The following TSPAN5 variants were observed in gnomAD, a reference collection of about 807,000 sequenced individuals.
The protein encoded by TSPAN5 is tetraspanin-5.
A neutral mutation model predicts 37.1 loss-of-function variants in TSPAN5; 10 were observed. The observed-to-expected ratio is 0.27, with a 90% CI of 0.17 to 0.46. TSPAN5 has a LOEUF of 0.46. Among genes scored for constraint, TSPAN5 ranks in the 20% least tolerant of loss-of-function variants. TSPAN5 has a pLI of 1.00. For synonymous variants in TSPAN5, 110 were observed against 118.9 expected (o/e 0.93, Z 0.48); for missense variants, 195 against 326.6 (o/e 0.60, Z 3.11).
At chr4:98,586,977 A>C (rs1196194101) in intron 1 of TSPAN5, among the ~76,000 whole-genome samples, 8 of 152,194 alleles carry the variant, frequency 5.3e-5, no homozygotes, top group Non-Finnish European at 1.0e-4. Flanking sequence ...TGCCCCTTGG[A>C]CAAAGGCAGG....
intron 1 of TSPAN5, among the ~76,000 whole-genome samples, chr4:98,653,224 T>A (rs1273144458): frequency 6.6e-6 from 1 of 152,130 alleles, no homozygotes; most frequent in Admixed American, 6.5e-5. Flanking sequence ...TTATAGTGAA[T>A]CATAAGATAA....
intron 1 of TSPAN5, among the ~76,000 whole-genome samples, chr4:98,627,422 AAC>A (rs1553918272): frequency 2.0e-5 from 3 of 152,166 alleles, no homozygotes; most frequent in Admixed American, 6.5e-5. Context: ...GGAAAAAAAA[AAC>A]ACAAAAGGAA....
chr4:98,581,707 C>T (rs1201056841), intron 1 of TSPAN5, among the ~76,000 whole-genome samples: 1 of 152,134 alleles, frequency 6.6e-6, no homozygotes, highest in Non-Finnish European at 1.5e-5. Flanking sequence ...AGGGTAATTT[C>T]TTCCCTTTGT....
intron 1 of TSPAN5, among the ~76,000 whole-genome samples, chr4:98,550,770 T>G (rs1012592193): frequency 1.3e-5 from 2 of 152,038 alleles, no homozygotes; most frequent in African/African-American, 4.8e-5. Context: ...AATCTAAGAG[T>G]TTTTTGGTGG....
At chr4:98,527,940 A>G (rs1361556452) in intron 1 of TSPAN5, among the ~76,000 whole-genome samples, 5 of 152,236 alleles carry the variant, frequency 3.3e-5, no homozygotes, top group Non-Finnish European at 2.9e-5. Flanking sequence ...AATATGAAAT[A>G]TCTGGGTATT....
intron 1 of TSPAN5, among the ~76,000 whole-genome samples, chr4:98,528,586 T>C (rs927506821): frequency 6.6e-6 from 1 of 152,162 alleles, no homozygotes; most frequent in African/African-American, 2.4e-5. Context: ...ACTGGGATGA[T>C]TAGACCTCAT....
chr4:98,517,145 G>A (rs1052141786), intron 1 of TSPAN5, among the ~76,000 whole-genome samples: 1 of 152,164 alleles, frequency 6.6e-6, no homozygotes, highest in African/African-American at 2.4e-5. Context: ...ATGCAAAACA[G>A]GCATGAGACT....
intron 1 of TSPAN5, among the ~76,000 whole-genome samples, chr4:98,628,771 C>T (rs1379849340): frequency 6.6e-6 from 1 of 152,154 alleles, no homozygotes; most frequent in Admixed American, 6.5e-5. Context: ...AACAAACAAA[C>T]AAAAATTACT....
intron 1 of TSPAN5, among the ~76,000 whole-genome samples, chr4:98,638,022 T>C (rs1445021952): frequency 6.6e-6 from 1 of 152,220 alleles, no homozygotes; most frequent in Non-Finnish European, 1.5e-5. Flanking sequence ...TTAACTCTGC[T>C]CCACGGTCTT....
chr4:98,494,618 T>C (rs1259715626), intron 2 of TSPAN5, among the ~76,000 whole-genome samples: 2 of 151,920 alleles, frequency 1.3e-5, no homozygotes, highest in Non-Finnish European at 2.9e-5. Flanking sequence ...ATAATAAGAA[T>C]TAAATAAAAG....
Position 98,549,600 on chromosome 4 carries a change from C to T in TSPAN5, c.82-41872G>A, listed in dbSNP as rs190310043. Among the ~76,000 whole-genome samples the T allele has an allele frequency of 3.4e-3, 514 of 152,108 alleles. 2 individuals are homozygous for T. Among genetic ancestry groups the T allele is most frequent in the South Asian group, 5.8e-3 (28 of 4,816 alleles). Reference sequence around the variant, plus strand: ...AGGTATGAGCCACTGCACCTGGCCTCGTTGTGATTTTAATTTGCATTTCTC... The same window carrying T: ...AGGTATGAGCCACTGCACCTGGCCTTGTTGTGATTTTAATTTGCATTTCTC... On this transcript the variant is annotated intron_variant, in intron 1 of 7. Transcript: ENST00000305798.
intron 1 of TSPAN5, among the ~76,000 whole-genome samples, chr4:98,578,192 C>G (rs140571191): frequency 6.6e-6 from 1 of 152,162 alleles, no homozygotes; most frequent in African/African-American, 2.4e-5. Flanking sequence ...CACAGAACCT[C>G]CCCTTGAGAC....
intron 1 of TSPAN5, among the ~76,000 whole-genome samples, chr4:98,655,222 G>C (rs921327797): frequency 1.3e-5 from 2 of 152,126 alleles, no homozygotes; most frequent in Admixed American, 6.5e-5. Context: ...AGAAATGAAA[G>C]TAATAAAACT....
intron 1 of TSPAN5, among the ~76,000 whole-genome samples, chr4:98,598,749 T>A (rs148748400): frequency 3.3e-5 from 5 of 152,292 alleles, no homozygotes; most frequent in Admixed American, 1.3e-4. Flanking sequence ...ATTACAGGCA[T>A]GAGCCACCGT....
At position 98,592,428 on chromosome 4, in the gene TSPAN5, GTTT is replaced by G. The variant is rs35941064; in HGVS notation, c.81+65715_81+65717del. On this transcript the variant is annotated intron_variant, in intron 1 of 7. Coordinates refer to ENST00000305798, the MANE Select transcript of TSPAN5 (RefSeq NM_005723.4). The stretch of plus-strand genomic sequence containing the variant: ...CCTAACTAAGGGATCTCTGTTTTTT[GTTT>G]TTTTTTTTTTTTTTTTTATTATACT... 3.2e-3 allele frequency among the ~76,000 whole-genome samples: 380 copies of G among 119,100 alleles called. 2 individuals are homozygous for G. The highest frequency in any genetic ancestry group is 6.1e-3 in the East Asian group (24 of 3,944). 78.1% of individuals were successfully genotyped at this position (119,100 alleles called of 152,430 possible). A position where few individuals can be genotyped will look rare whatever the true frequency, so the allele number is the denominator to read the frequency against.
chr4:98,591,945 C>T lies in TSPAN5; in HGVS notation c.81+66201G>A, dbSNP rs1293941743. Among the ~76,000 whole-genome samples, 9 of 151,252 alleles carry T rather than the reference C, an allele frequency of 6.0e-5. No homozygotes were observed. The East Asian group carries it at 1.7e-3, about 29-fold the overall frequency. On this transcript the variant is annotated intron_variant, in intron 1 of 7. Transcript: ENST00000305798. The stretch of plus-strand genomic sequence containing the variant: ...AAAGAACAATGTTGAAGGACTTATA[C>T]TCCCTTATTTAAAGATTTATTATAA...
At chr4:98,509,588 AC>A (rs1312219366) in intron 1 of TSPAN5, among the ~76,000 whole-genome samples, 2 of 152,134 alleles carry the variant, frequency 1.3e-5, no homozygotes, top group African/African-American at 4.8e-5. Flanking sequence ...CTTTCTTCCT[AC>A]CCCTTGCTCT....
chr4:98,627,368 T>A (rs1416258174), intron 1 of TSPAN5, among the ~76,000 whole-genome samples: 1 of 152,112 alleles, frequency 6.6e-6, no homozygotes, highest in Non-Finnish European at 1.5e-5. Context: ...GTTCTTATTT[T>A]AGTATTTTTG....
intron 1 of TSPAN5, among the ~76,000 whole-genome samples, chr4:98,581,770 T>C (rs1579007487): frequency 1.3e-5 from 2 of 152,202 alleles, no homozygotes; most frequent in Non-Finnish European, 2.9e-5. Flanking sequence ...TATTTCAAAG[T>C]AACCTGCGCA....
Sources: gnomAD v4.1 joint callset for allele counts (sites outside exome capture counted in the v4.1 genomes callset) on GRCh38, gnomAD v4.1.1 for gene constraint, MANE v1.5 for transcripts, NCBI Gene and HGNC (gene_info 2026-07-23, HGNC 2026-07-21) for gene names.